The following OLFM3 variants were observed in gnomAD, a reference collection of about 807,000 sequenced individuals.
The protein encoded by OLFM3 is olfactomedin 3.
Under a neutral mutation model 48.6 loss-of-function variants are expected in OLFM3, and 20 were observed. That is an observed-to-expected ratio of 0.41 (90% CI 0.29 to 0.60). OLFM3 has a LOEUF of 0.60. OLFM3 is among the 20% of genes least tolerant of loss of function. The probability of loss-of-function intolerance (pLI) is 0.28; values close to 1 mark genes in which losing one functional copy is unlikely to be tolerated. For synonymous variants in OLFM3, 222 were observed against 198.1 expected (o/e 1.12, Z -1.01); for missense variants, 437 against 544.3 (o/e 0.80, Z 1.96).
At chr1:101,875,252 TTA>T (rs1344684049) in intron 1 of OLFM3, among the ~76,000 whole-genome samples, 1 of 152,132 alleles carries the variant, frequency 6.6e-6, no homozygotes, top group East Asian at 1.9e-4. Flanking sequence ...TGAAGCTATT[TTA>T]TATGATACTG....
intron 1 of OLFM3, among the ~76,000 whole-genome samples, chr1:101,938,661 T>C (rs1659695334): frequency 6.6e-6 from 1 of 152,166 alleles, no homozygotes; most frequent in South Asian, 2.1e-4. Flanking sequence ...GTTATTGGGG[T>C]TCCTGCTGAG....
chr1:101,966,317 TTGTGTGTG>T (rs60173488), intron 1 of OLFM3, among the ~76,000 whole-genome samples: 1 of 128,062 alleles, frequency 7.8e-6, no homozygotes, highest in Non-Finnish European at 1.6e-5. Flanking sequence ...CCTGGCTAAT[TTGTGTGTG>T]TGTGTGTGTG....
At chr1:101,812,674 A>C in intron 4 of OLFM3, 1 of 985,662 alleles carries the variant, frequency 1.0e-6, no homozygotes, top group Non-Finnish European at 1.2e-6. Flanking sequence ...TTGCATCTCT[A>C]TGGCAAAGGG....
Position 101,894,436 on chromosome 1 carries a change from G to A in OLFM3, c.70-57411C>T, listed in dbSNP as rs991768183. ...AAATATATACTGAGATTCATAAAAC[G>A]GTAGATACCTAAATTATCTCATTTA... On this transcript the variant is annotated intron_variant, in intron 1 of 5. Transcript: ENST00000370103. Among the ~76,000 whole-genome samples, 8 of 151,908 alleles carry A rather than the reference G, an allele frequency of 5.3e-5. No individual in the cohort carries two copies. The South Asian group carries it at 8.3e-4, about 16-fold the overall frequency.
At chr1:101,831,925 C>T (rs190573601) in intron 2 of OLFM3, among the ~76,000 whole-genome samples, 19 of 152,242 alleles carry the variant, frequency 1.2e-4, no homozygotes, top group East Asian at 3.9e-4. Context: ...TTTTGTGAGA[C>T]GGAGTCTCGC....
intron 1 of OLFM3, among the ~76,000 whole-genome samples, chr1:101,901,820 TA>T (rs1419827465): frequency 1.3e-5 from 2 of 152,040 alleles, no homozygotes; most frequent in Non-Finnish European, 2.9e-5. Flanking sequence ...AGTGGAAAAG[TA>T]ATAGGTATAA....
At chr1:101,967,313 A>AC (rs1553184047) in intron 1 of OLFM3, among the ~76,000 whole-genome samples, 6 of 151,332 alleles carry the variant, frequency 4.0e-5, no homozygotes, top group East Asian at 1.9e-4. Context: ...AACAAAAAAA[A>AC]CAAATACCAT....
Position 101,803,964 on chromosome 1 carries a change from C to A in OLFM3, c.*274G>T. On this transcript the variant is annotated 3_prime_UTR_variant, in exon 6 of 6. Transcript: ENST00000370103. ...TATAAGGCAGATCATTAATCTCTTG[C>A]AAAACTATGACTTTAGCCACTTAAA... 1 of 240,828 alleles carries A rather than the reference C, an allele frequency of 4.2e-6. No homozygotes were observed. The highest frequency in any genetic ancestry group is 7.9e-6 in the Non-Finnish European group (1 of 127,138). The allele number at this position is 240,828 out of a possible 1,614,324, so 14.9% of individuals were successfully genotyped here.
intron 4 of OLFM3, among the ~76,000 whole-genome samples, chr1:101,821,481 T>A (rs1654604810): frequency 6.6e-6 from 1 of 152,226 alleles, no homozygotes; most frequent in East Asian, 1.9e-4. Context: ...CTTCACTGTA[T>A]AATGACTGTA....
At chr1:101,987,265 C>A (rs1321599870) in intron 1 of OLFM3, among the ~76,000 whole-genome samples, 1 of 152,166 alleles carries the variant, frequency 6.6e-6, no homozygotes, top group Non-Finnish European at 1.5e-5. Flanking sequence ...ATCTCTTCAG[C>A]GTAAGCTTCG....
intron 3 of OLFM3, among the ~76,000 whole-genome samples, chr1:101,829,334 G>A (rs1294527123): frequency 6.6e-6 from 1 of 151,966 alleles, no homozygotes; most frequent in Non-Finnish European, 1.5e-5. Context: ...TACTTAACCT[G>A]CTGGTTTTGT....
At chr1:101,958,326 A>G (rs530460057) in intron 1 of OLFM3, among the ~76,000 whole-genome samples, 24 of 152,192 alleles carry the variant, frequency 1.6e-4, no homozygotes, top group Admixed American at 1.4e-3. Flanking sequence ...TACCTTTTCA[A>G]CTAAGTCATT....
intron 1 of OLFM3, among the ~76,000 whole-genome samples, chr1:101,966,523 T>A (rs1311025550): frequency 6.6e-6 from 1 of 152,204 alleles, no homozygotes; most frequent in African/African-American, 2.4e-5. Context: ...TTGTTCGAAT[T>A]TGCCATTTGT....
intron 1 of OLFM3, among the ~76,000 whole-genome samples, chr1:101,882,129 T>C (rs761772771): frequency 1.3e-5 from 2 of 150,816 alleles, no homozygotes; most frequent in Non-Finnish European, 3.0e-5. Context: ...ACACACGACA[T>C]TCATTTGATT....
intron 1 of OLFM3, among the ~76,000 whole-genome samples, chr1:101,995,349 AAAATT>A (rs1403537848): frequency 6.6e-6 from 1 of 152,136 alleles, no homozygotes; most frequent in African/African-American, 2.4e-5. Context: ...AAGAAGAAAA[AAAATT>A]AAATATAAAA....
chr1:101,805,044 T>C (rs911514511), intron 5 of OLFM3, 129 bp from the exon 6 acceptor site: 2 of 678,374 alleles, frequency 2.9e-6, no homozygotes, highest in Non-Finnish European at 4.9e-6. Context: ...ATCTTACTGC[T>C]GACCTGCCGC....
At chr1:101,933,378 G>A (rs1048224076) in intron 1 of OLFM3, among the ~76,000 whole-genome samples, 2 of 151,672 alleles carry the variant, frequency 1.3e-5, no homozygotes, top group African/African-American at 2.4e-5. Context: ...CTCAAAAACT[G>A]GTTCTCTAAA....
chr1:101,908,446 C>T (rs189855610), intron 1 of OLFM3, among the ~76,000 whole-genome samples: 20 of 152,088 alleles, frequency 1.3e-4, no homozygotes, highest in Non-Finnish European at 2.5e-4. Flanking sequence ...AAGGTGTAGA[C>T]GGAAAAACTA....
At chr1:101,996,565 T>G (rs867521157) in intron 1 of OLFM3, among the ~76,000 whole-genome samples, 183 bp downstream of exon 1, 27 of 152,104 alleles carry the variant, frequency 1.8e-4, no homozygotes, top group Admixed American at 6.5e-4. Flanking sequence ...GACTCTACCT[T>G]GAGGAGCTAT....
Sources: allele counts gnomAD v4.1 joint callset (sites outside exome capture counted in the v4.1 genomes callset), GRCh38; gene constraint gnomAD v4.1.1; transcripts MANE v1.5; gene names NCBI Gene and HGNC (gene_info 2026-07-23, HGNC 2026-07-21).